The following ZC3H12B variants were observed in gnomAD, a reference collection of about 807,000 sequenced individuals.
ZC3H12B encodes probable ribonuclease ZC3H12B.
A neutral mutation model predicts 43.9 loss-of-function variants in ZC3H12B; 7 were observed. The observed-to-expected ratio is 0.16, with a 90% CI of 0.09 to 0.30. The LOEUF (loss-of-function observed/expected upper bound fraction) is 0.30, where lower values mean the gene tolerates loss of function less well. Among genes scored for constraint, ZC3H12B ranks in the 10% least tolerant of loss-of-function variants. The pLI, the probability that ZC3H12B is intolerant of heterozygous loss-of-function variation, is 1.00. For missense variants in ZC3H12B, 475 were observed against 670.2 expected (o/e 0.71, Z 3.22); for synonymous variants, 222 against 241.7 (o/e 0.92, Z 0.76).
At chrX:65,252,241 T>C in the ZC3H12B span, among the ~76,000 whole-genome samples, 35 of 111,588 alleles carry the variant, frequency 3.1e-4, no homozygotes, top group South Asian at 0.011. Flanking sequence ...ATTACATTTA[T>C]TGATTTGTGT....
exon 5 of ZC3H12B, chrX:65,505,486 G>GA (rs1167184126): frequency 1.8e-5 from 2 of 112,754 alleles, no homozygotes; most frequent in Admixed American, 9.4e-5. Context: ...CCAGCATATT[G>GA]AAAAAGAGTA....
At chrX:65,089,670 CTT>C in the ZC3H12B span, among the ~76,000 whole-genome samples, 3 of 112,212 alleles carry the variant, frequency 2.7e-5, no homozygotes, top group Non-Finnish European at 3.8e-5. Context: ...CTTTTTGACT[CTT>C]TTGTAATAAC....
At chrX:65,445,545 G>C (rs746553235) in intron 3 of ZC3H12B, among the ~76,000 whole-genome samples, 1 of 112,490 alleles carries the variant, frequency 8.9e-6, no homozygotes, top group South Asian at 3.7e-4. Context: ...GTTAGAAGTG[G>C]ATTTACACAA....
At chrX:65,179,609 G>A in the ZC3H12B span, among the ~76,000 whole-genome samples, 1 of 110,482 alleles carries the variant, frequency 9.1e-6, no homozygotes, top group South Asian at 3.8e-4. Context: ...GACTAATAAA[G>A]AAGAAAAGGG....
chrX:65,161,482 C>G, the ZC3H12B span, among the ~76,000 whole-genome samples: 1 of 111,852 alleles, frequency 8.9e-6, no homozygotes, highest in East Asian at 2.8e-4. Flanking sequence ...ATAGTTAGCT[C>G]TTCTTGTTGA....
upstream of ZC3H12B, among the ~76,000 whole-genome samples, chrX:65,487,096 T>C (rs1302657527): frequency 8.9e-6 from 1 of 112,911 alleles, no homozygotes; most frequent in East Asian, 2.8e-4. Context: ...CAAGTGGTAA[T>C]GTAATCATTC....
the ZC3H12B span, among the ~76,000 whole-genome samples, chrX:65,108,387 A>C: frequency 9.0e-6 from 1 of 111,146 alleles, no homozygotes; most frequent in African/African-American, 3.3e-5. Flanking sequence ...TTAGTCTATA[A>C]GCTTTTCAAT....
At chrX:65,105,516 A>G in the ZC3H12B span, among the ~76,000 whole-genome samples, 285 of 111,636 alleles carry the variant, frequency 2.6e-3, 1 homozygote, top group South Asian at 0.014. Flanking sequence ...CTAGAAGACC[A>G]TCTTTCCCAT....
At chrX:65,361,098 T>C in the ZC3H12B span, among the ~76,000 whole-genome samples, 1 of 112,310 alleles carries the variant, frequency 8.9e-6, no homozygotes, top group Non-Finnish European at 1.9e-5. Flanking sequence ...CCTATGAAAC[T>C]ATATTTTCTG....
the ZC3H12B span, among the ~76,000 whole-genome samples, chrX:65,273,486 T>C: frequency 9.0e-6 from 1 of 110,770 alleles, no homozygotes; most frequent in South Asian, 3.8e-4. Flanking sequence ...ATATGCATAA[T>C]GGAGTCCCAG....
At chrX:65,192,767 C>T in the ZC3H12B span, among the ~76,000 whole-genome samples, 1 of 79,693 alleles carries the variant, frequency 1.3e-5, no homozygotes, top group Non-Finnish European at 2.1e-5. Flanking sequence ...TGGGGATTTT[C>T]CCAGATAGAT....
At chrX:65,471,044 C>T (rs2067905112) in intron 3 of ZC3H12B, among the ~76,000 whole-genome samples, 1 of 111,518 alleles carries the variant, frequency 9.0e-6, no homozygotes, top group Non-Finnish European at 1.9e-5. Flanking sequence ...CTCTTAGGTC[C>T]ATTTGCTCTA....
the ZC3H12B span, among the ~76,000 whole-genome samples, chrX:65,141,490 T>A: frequency 9.1e-6 from 1 of 109,449 alleles, no homozygotes; most frequent in African/African-American, 3.3e-5. Context: ...ATATGCCCTC[T>A]GTTTCTTTTT....
chrX:65,382,137 G>C (rs972801741), intron 2 of ZC3H12B, among the ~76,000 whole-genome samples: 2 of 111,459 alleles, frequency 1.8e-5, no homozygotes, highest in African/African-American at 3.3e-5. Context: ...AAGCCGGGCA[G>C]AGACACAACC....
At chrX:65,499,827 A>G (rs774726647) in intron 3 of ZC3H12B, 56 bp from the exon 9 acceptor site, 200 of 980,963 alleles carry the variant, frequency 2.0e-4, no homozygotes, top group Non-Finnish European at 2.8e-4. Flanking sequence ...CTGAACTCCT[A>G]GTAAGGAGTA....
intron 2 of ZC3H12B, among the ~76,000 whole-genome samples, chrX:65,371,057 T>C (rs1282184490): frequency 8.9e-6 from 1 of 112,130 alleles, no homozygotes; most frequent in Non-Finnish European, 1.9e-5. Flanking sequence ...TATTCCAACA[T>C]TGATATTCTA....
At chrX:65,239,788 G>A in the ZC3H12B span, among the ~76,000 whole-genome samples, 5 of 111,883 alleles carry the variant, frequency 4.5e-5, no homozygotes, top group Non-Finnish European at 9.4e-5. Flanking sequence ...AGTTTTCTTT[G>A]CATTTGCTTG....
chrX:65,212,146 ACAT>A, the ZC3H12B span, among the ~76,000 whole-genome samples: 4 of 52,671 alleles, frequency 7.6e-5, no homozygotes, highest in African/African-American at 2.3e-4. Context: ...TATTATATTA[ACAT>A]TATATTAGTA....
chrX:65,091,169 A>T, the ZC3H12B span, among the ~76,000 whole-genome samples: 3 of 108,490 alleles, frequency 2.8e-5, no homozygotes, highest in African/African-American at 1.1e-4. Flanking sequence ...ACATGTCCTT[A>T]TAAGAGGGAG....
Sources: allele counts gnomAD v4.1 joint callset (sites outside exome capture counted in the v4.1 genomes callset), GRCh38; gene constraint gnomAD v4.1.1; transcripts MANE v1.5; gene names NCBI Gene and HGNC (gene_info 2026-07-23, HGNC 2026-07-21).